Variants in PGPEP1L observed in about 807,000 individuals in gnomAD.
PGPEP1L encodes the protein pyroglutamyl-peptidase I like.
Under a neutral mutation model 6.0 loss-of-function variants are expected in PGPEP1L, and 7 were observed. That is an observed-to-expected ratio of 1.17 (90% CI 0.66 to 2.19). The LOEUF is 2.19. Ranked by LOEUF, PGPEP1L falls within the 30% of genes most tolerant of loss-of-function variation. PGPEP1L has a pLI of 0.00. For missense variants in PGPEP1L, 209 were observed against 192.5 expected (o/e 1.09, Z -0.51); for synonymous variants, 103 against 83.9 (o/e 1.23, Z -1.24).
intron 2 of PGPEP1L, among the ~76,000 whole-genome samples, chr15:99,002,729 G>C (rs1376425385): frequency 2.0e-5 from 3 of 152,138 alleles, no homozygotes; most frequent in Non-Finnish European, 4.4e-5. Flanking sequence ...ATGGAGTCAG[G>C]TGCTCAATTA....
At chr15:98,989,952 G>A (rs1435444588) in intron 2 of PGPEP1L, among the ~76,000 whole-genome samples, 1 of 152,136 alleles carries the variant, frequency 6.6e-6, no homozygotes, top group East Asian at 1.9e-4. Flanking sequence ...GTCACCACCA[G>A]GCCTGCCTTA....
chr15:98,980,842 G>T (rs1280274734), intron 2 of PGPEP1L, among the ~76,000 whole-genome samples: 2 of 151,902 alleles, frequency 1.3e-5, no homozygotes, highest in African/African-American at 4.8e-5. Flanking sequence ...TGAGCCAGGA[G>T]AATTGCTCGA....
intron 2 of PGPEP1L, among the ~76,000 whole-genome samples, chr15:98,980,556 G>C (rs2017643258): frequency 6.6e-6 from 1 of 152,198 alleles, no homozygotes; most frequent in South Asian, 2.1e-4. Context: ...CCCTGAAGCA[G>C]AGAGGAACTC....
Position 98,984,144 on chromosome 15 carries a change from G to A in PGPEP1L, c.-141-12986C>T, listed in dbSNP as rs529485167. ...TCCTGCCTCAGCCTCCCAAGTAGCT[G>A]GGACTACAGGCGCCCACCACCACGC... On this transcript the variant is annotated intron_variant, in intron 2 of 4. Coordinates refer to ENST00000535714, the MANE Select transcript of PGPEP1L (RefSeq NM_001167902.2). Among the ~76,000 whole-genome samples, 4 of 151,558 alleles carry A rather than the reference G, an allele frequency of 2.6e-5. No homozygotes were observed. The South Asian group carries it at 6.3e-4, about 24-fold the overall frequency.
intron 2 of PGPEP1L, among the ~76,000 whole-genome samples, chr15:98,991,933 G>A (rs2017825181): frequency 6.6e-6 from 1 of 152,052 alleles, no homozygotes; most frequent in Non-Finnish European, 1.5e-5. Context: ...AATAAACTAG[G>A]TACTGACGGA....
chr15:98,987,251 CCT>C (rs782330473), intron 2 of PGPEP1L, among the ~76,000 whole-genome samples: 4 of 149,032 alleles, frequency 2.7e-5, no homozygotes, highest in African/African-American at 5.0e-5. Flanking sequence ...CTTTGGCCTT[CCT>C]CTGTTTGGGG....
At position 99,003,438 on chromosome 15, in the gene PGPEP1L, T is replaced by C. The variant is rs535148495; in HGVS notation, c.-142+1991A>G. ...AAACTTGGTCAGCCCCCAGTGCAAC[T>C]TGCAAACGGAGCTGGAGAAATCTTA... On this transcript the variant is annotated intron_variant, in intron 2 of 4. Coordinates refer to ENST00000535714, the MANE Select transcript of PGPEP1L (RefSeq NM_001167902.2). Among the ~76,000 whole-genome samples the C allele has an allele frequency of 3.4e-3, 514 of 150,712 alleles. 7 individuals carry two copies. The highest frequency in any genetic ancestry group is 0.012 in the African/African-American group (493 of 40,322).
At chr15:98,981,291 G>C (rs1326704948) in intron 2 of PGPEP1L, among the ~76,000 whole-genome samples, 3 of 152,030 alleles carry the variant, frequency 2.0e-5, no homozygotes, top group Admixed American at 2.0e-4. Context: ...AGGAGATCCA[G>C]ACCATCCTGG....
chr15:98,974,310 T>A (rs962777480), intron 2 of PGPEP1L, among the ~76,000 whole-genome samples: 1 of 151,748 alleles, frequency 6.6e-6, no homozygotes, highest in Non-Finnish European at 1.5e-5. Flanking sequence ...GCCCAGAAGG[T>A]TGAGACTGCA....
intron 2 of PGPEP1L, among the ~76,000 whole-genome samples, chr15:98,990,287 G>GA (rs558080200): frequency 0.06 from 8,755 of 145,702 alleles, 358 homozygotes; most frequent in African/African-American, 0.12. Flanking sequence ...CAAATGGAAA[G>GA]AAAAAAAAAA....
chr15:98,993,188 C>G (rs1242461234), intron 2 of PGPEP1L, among the ~76,000 whole-genome samples: 7 of 151,968 alleles, frequency 4.6e-5, no homozygotes, highest in African/African-American at 1.2e-4. Context: ...AATGGGAGAA[C>G]ATTTTTGCAA....
intron 2 of PGPEP1L, among the ~76,000 whole-genome samples, chr15:99,000,984 C>T (rs1354709239): frequency 6.6e-6 from 1 of 152,080 alleles, no homozygotes; most frequent in Non-Finnish European, 1.5e-5. Context: ...CTCCTGAAAC[C>T]AGCGAGACCA....
intron 2 of PGPEP1L, among the ~76,000 whole-genome samples, chr15:98,980,493 G>C (rs1359441340): frequency 2.0e-5 from 3 of 152,172 alleles, no homozygotes; most frequent in Admixed American, 6.5e-5. Flanking sequence ...TCCAGGAGGA[G>C]GACTCAGCTC....
intron 2 of PGPEP1L, among the ~76,000 whole-genome samples, chr15:98,980,840 G>A (rs113773554): frequency 0.025 from 3,847 of 152,018 alleles, 180 homozygotes; most frequent in African/African-American, 0.086. Flanking sequence ...GCTGAGCCAG[G>A]AGAATTGCTC....
At chr15:99,000,355 T>A (rs1402912533) in intron 2 of PGPEP1L, among the ~76,000 whole-genome samples, 1 of 152,132 alleles carries the variant, frequency 6.6e-6, no homozygotes, top group South Asian at 2.1e-4. Flanking sequence ...CGGCGCCCAG[T>A]CCCATCGACC....
chr15:98,982,271 G>A (rs1047997693), intron 2 of PGPEP1L, among the ~76,000 whole-genome samples: 4 of 152,196 alleles, frequency 2.6e-5, no homozygotes, highest in African/African-American at 7.2e-5. Context: ...CCTGGAGTGC[G>A]GCCCCTTGTG....
intron 2 of PGPEP1L, among the ~76,000 whole-genome samples, chr15:98,985,424 G>A (rs1484139776): frequency 6.6e-6 from 1 of 152,196 alleles, no homozygotes; most frequent in African/African-American, 2.4e-5. Context: ...TGTAATCCCA[G>A]CTACTCAGGA....
At chr15:99,007,111 A>C (rs113150853) in intron 1 of PGPEP1L, among the ~76,000 whole-genome samples, 2 of 152,094 alleles carry the variant, frequency 1.3e-5, no homozygotes, top group Non-Finnish European at 2.9e-5. Flanking sequence ...ATTCCCTTTA[A>C]TTAGCTCCTG....
chr15:98,997,679 C>CATT (rs2017906906), intron 2 of PGPEP1L, among the ~76,000 whole-genome samples: 1 of 152,208 alleles, frequency 6.6e-6, no homozygotes, highest in Admixed American at 6.5e-5. Context: ...AGTGGCTTTA[C>CATT]ATTACATACT....
Sources: gnomAD v4.1 joint callset for allele counts (sites outside exome capture counted in the v4.1 genomes callset) on GRCh38, gnomAD v4.1.1 for gene constraint, MANE v1.5 for transcripts, NCBI Gene and HGNC (gene_info 2026-07-23, HGNC 2026-07-21) for gene names.